Variants in PKNOX2 observed in about 807,000 individuals in gnomAD.
PKNOX2 encodes the protein PBX/knotted 1 homeobox 2.
A neutral mutation model predicts 53.1 loss-of-function variants in PKNOX2; 14 were observed. The observed-to-expected ratio is 0.26, with a 90% CI of 0.17 to 0.41. The LOEUF (loss-of-function observed/expected upper bound fraction) is 0.41. Ranked by LOEUF, PKNOX2 falls within the 10% of genes least tolerant of loss-of-function variation. The pLI is 1.00. For synonymous variants in PKNOX2, 257 were observed against 242.8 expected, an observed-to-expected ratio of 1.06 and a Z score of -0.54; for missense variants, 496 against 602.8, an observed-to-expected ratio of 0.82 and a Z score of 1.85.
At chr11:125,275,315 C>G (rs1946082131) in intron 2 of PKNOX2, among the ~76,000 whole-genome samples, 1 of 151,976 alleles carries the variant, frequency 6.6e-6, no homozygotes, top group Admixed American at 6.6e-5. Context: ...AAAGCAAAAG[C>G]CAAGTCTCTG....
intron 2 of PKNOX2, among the ~76,000 whole-genome samples, chr11:125,293,215 C>T (rs1240136316): frequency 1.3e-5 from 2 of 152,112 alleles, no homozygotes; most frequent in African/African-American, 4.8e-5. Context: ...CACACACACA[C>T]AACTATATAC....
At chr11:125,253,046 G>A (rs1278901314) in intron 2 of PKNOX2, among the ~76,000 whole-genome samples, 1 of 152,316 alleles carries the variant, frequency 6.6e-6, no homozygotes, top group Non-Finnish European at 1.5e-5. Flanking sequence ...AGTCAAGAAC[G>A]AGTAGGAAGG....
intron 10 of PKNOX2, among the ~76,000 whole-genome samples, chr11:125,425,206 A>G (rs1460894154): frequency 6.6e-6 from 1 of 152,204 alleles, no homozygotes. Context: ...GATGGAAGAC[A>G]TAAAACAAAC....
chr11:125,183,632 CTT>C (rs1956280128), intron 1 of PKNOX2, among the ~76,000 whole-genome samples: 1 of 151,934 alleles, frequency 6.6e-6, no homozygotes, highest in African/African-American at 2.4e-5. Context: ...GACACTGACT[CTT>C]TTTTTATTAA....
intron 1 of PKNOX2, among the ~76,000 whole-genome samples, chr11:125,189,747 C>T (rs1311112164): frequency 6.6e-6 from 1 of 151,726 alleles, no homozygotes; most frequent in African/African-American, 2.4e-5. Flanking sequence ...ACCATCCTCC[C>T]ACCTGTCCCT....
At chr11:125,329,739 G>A (rs147299997) in intron 2 of PKNOX2, among the ~76,000 whole-genome samples, 9 of 152,272 alleles carry the variant, frequency 5.9e-5, no homozygotes, top group African/African-American at 2.2e-4. Context: ...ATATAGAATC[G>A]GGCATTGAGG....
rs1401127641 is a variant in PKNOX2, at chr11:125,370,631, C to T, written c.227+2646C>T. 1.3e-5 allele frequency among the ~76,000 whole-genome samples: 2 copies of T among 152,250 alleles called. No homozygotes were observed. Among genetic ancestry groups the T allele is most frequent in the Admixed American group, 1.3e-4 (2 of 15,284 alleles). On this transcript the variant is annotated intron_variant, in intron 5 of 12. Transcript: ENST00000298282. This position sits in a 1 kb window ranked among gnomAD's most constrained non-coding sequence, Gnocchi z 4.1. ...AGCACCATGCTGGCTTCCCATCTCT[C>T]TAGTCCTGCTGCTGCCTCCTGGCCC...
At chr11:125,420,513 A>G (rs919468531) in intron 10 of PKNOX2, among the ~76,000 whole-genome samples, 4 of 140,596 alleles carry the variant, frequency 2.8e-5, no homozygotes, top group African/African-American at 7.8e-5. Flanking sequence ...GTGACAGAGC[A>G]AGACTCCATC....
intron 1 of PKNOX2, among the ~76,000 whole-genome samples, chr11:125,206,525 G>A (rs563137620): frequency 2.0e-5 from 3 of 152,214 alleles, no homozygotes; most frequent in Admixed American, 6.5e-5. Context: ...GCTAAGGAGC[G>A]TAGAGTTCTT....
chr11:125,411,305 C>G (rs1268929211), intron 9 of PKNOX2: 3 of 325,024 alleles, frequency 9.2e-6, no homozygotes, highest in Non-Finnish European at 1.8e-5. Flanking sequence ...ACAGCCTAGC[C>G]AACCTACAGG....
intron 2 of PKNOX2, among the ~76,000 whole-genome samples, chr11:125,242,412 A>T (rs1943230544): frequency 6.6e-6 from 1 of 150,736 alleles, no homozygotes; most frequent in South Asian, 2.1e-4. Flanking sequence ...AGTTTGCCCT[A>T]CTCTCTCTCC....
chr11:125,369,376 C>A (rs746447684), intron 5 of PKNOX2, among the ~76,000 whole-genome samples: 8 of 152,226 alleles, frequency 5.3e-5, no homozygotes, highest in Non-Finnish European at 8.8e-5. Context: ...CTCAGGGAGA[C>A]TCTAAGAAAG....
intron 2 of PKNOX2, among the ~76,000 whole-genome samples, chr11:125,297,168 A>G (rs1371751190): frequency 6.6e-6 from 1 of 152,246 alleles, no homozygotes; most frequent in African/African-American, 2.4e-5. Context: ...ATAGAGTATT[A>G]TTCTTCCCAT....
chr11:125,218,629 G>A (rs1053181774), intron 1 of PKNOX2, among the ~76,000 whole-genome samples: 2 of 152,128 alleles, frequency 1.3e-5, no homozygotes, highest in Non-Finnish European at 2.9e-5. Flanking sequence ...GGGAGCTAGT[G>A]CATGTATTTA....
At chr11:125,402,328 G>A (rs11607492) in intron 7 of PKNOX2, among the ~76,000 whole-genome samples, 12,419 of 152,126 alleles carry the variant, frequency 0.082, 663 homozygotes, top group Middle Eastern at 0.14. Flanking sequence ...CCTCTGTAAG[G>A]AGACTGGTTC....
intron 5 of PKNOX2, among the ~76,000 whole-genome samples, chr11:125,383,043 C>T (rs1953361506): frequency 6.6e-6 from 1 of 152,164 alleles, no homozygotes; most frequent in Non-Finnish European, 1.5e-5. Flanking sequence ...ACAGGCTCTG[C>T]CAAGCCCAGC....
intron 2 of PKNOX2, chr11:125,239,946 C>A (rs1321000340): frequency 1.3e-5 from 2 of 152,242 alleles, no homozygotes; most frequent in Non-Finnish European, 2.9e-5. Context: ...AGCTGCAAAT[C>A]TGCTTTCTAA....
intron 2 of PKNOX2, among the ~76,000 whole-genome samples, chr11:125,242,286 C>G (rs1027546102): frequency 3.3e-5 from 5 of 152,134 alleles, no homozygotes; most frequent in Non-Finnish European, 5.9e-5. Context: ...CTGGGGAACC[C>G]CAGGAGCATC....
chr11:125,320,679 C>A (rs1353332207), intron 2 of PKNOX2, among the ~76,000 whole-genome samples: 1 of 152,172 alleles, frequency 6.6e-6, no homozygotes, highest in Admixed American at 6.5e-5. Context: ...AGCTTCGGAC[C>A]AGAGCCCTTC....
Sources: gnomAD v4.1 joint callset for allele counts (sites outside exome capture counted in the v4.1 genomes callset) on GRCh38, gnomAD v4.1.1 for gene constraint, Gnocchi (gnomAD v3.1) non-coding constraint, MANE v1.5 for transcripts, NCBI Gene and HGNC (gene_info 2026-07-23, HGNC 2026-07-21) for gene names.